NLGN1: variants seen among roughly 807,000 people sequenced by gnomAD.
The protein encoded by NLGN1 is neuroligin-1.
Under a neutral mutation model 65.5 loss-of-function variants are expected in NLGN1, and 12 were observed. That is an observed-to-expected ratio of 0.18 (90% confidence interval 0.12 to 0.30). The LOEUF (loss-of-function observed/expected upper bound fraction) is 0.30, where lower values mean the gene tolerates loss of function less well. NLGN1 is among the 10% of genes least tolerant of loss of function. NLGN1 has a pLI of 1.00. For synonymous variants in NLGN1, 350 were observed against 359.5 expected, an observed-to-expected ratio of 0.97 and a Z score of 0.30; for missense variants, 750 against 1,007.1, an observed-to-expected ratio of 0.74 and a Z score of 3.46.
chr3:173,430,454 G>T (rs1716968723), intron 1 of NLGN1, among the ~76,000 whole-genome samples: 1 of 152,134 alleles, frequency 6.6e-6, no homozygotes, highest in Non-Finnish European at 1.5e-5. Flanking sequence ...ATTTCTTCAT[G>T]ATTACTTTTA....
intron 4 of NLGN1, 78 bp from the exon 5 acceptor site, chr3:174,275,237 G>A: frequency 9.7e-7 from 1 of 1,032,866 alleles, no homozygotes; most frequent in Non-Finnish European, 1.5e-6. Context: ...ATTAATACAG[G>A]CTTCATTTGT....
chr3:173,927,133 G>A (rs564206890), intron 4 of NLGN1, among the ~76,000 whole-genome samples: 4 of 151,878 alleles, frequency 2.6e-5, no homozygotes, highest in South Asian at 2.1e-4. Context: ...GCATGATCTC[G>A]GCTCACTGCA....
intron 4 of NLGN1, among the ~76,000 whole-genome samples, chr3:173,868,658 A>G (rs574090100): frequency 2.0e-5 from 3 of 152,230 alleles, no homozygotes; most frequent in South Asian, 4.1e-4. Context: ...TTCTAGGTAA[A>G]GAAAGTCTAC....
At chr3:173,609,638 G>A (rs554702782) in intron 3 of NLGN1, among the ~76,000 whole-genome samples, 1 of 151,866 alleles carries the variant, frequency 6.6e-6, no homozygotes, top group South Asian at 2.1e-4. Flanking sequence ...TTATTCATTT[G>A]ACAACTATTT....
At chr3:173,532,262 A>G (rs1014380609) in intron 2 of NLGN1, among the ~76,000 whole-genome samples, 5 of 152,190 alleles carry the variant, frequency 3.3e-5, no homozygotes, top group African/African-American at 1.2e-4. Flanking sequence ...ATTTGATGCC[A>G]TCTCTTTGAG....
intron 2 of NLGN1, among the ~76,000 whole-genome samples, chr3:173,541,528 C>G (rs1243769012): frequency 2.0e-5 from 3 of 151,986 alleles, no homozygotes; most frequent in Non-Finnish European, 4.4e-5. Context: ...GAAGGTTTAG[C>G]TATGCTGTTT....
At chr3:173,993,457 C>T (rs1437853504) in intron 4 of NLGN1, among the ~76,000 whole-genome samples, 1 of 152,130 alleles carries the variant, frequency 6.6e-6, no homozygotes, top group Non-Finnish European at 1.5e-5. Flanking sequence ...TACAAATTAT[C>T]ATGGCATGAA....
At chr3:174,271,646 G>A (rs1209703129) in intron 4 of NLGN1, among the ~76,000 whole-genome samples, 1 of 151,764 alleles carries the variant, frequency 6.6e-6, no homozygotes, top group Non-Finnish European at 1.5e-5. Flanking sequence ...CTAGTTGCCA[G>A]ATCAGGTAAA....
intron 3 of NLGN1, among the ~76,000 whole-genome samples, chr3:173,627,461 T>C (rs1235999964): frequency 6.6e-6 from 1 of 152,110 alleles, no homozygotes; most frequent in Non-Finnish European, 1.5e-5. Context: ...CTTAGGTTCA[T>C]TACTACCTTG....
At chr3:173,789,226 A>G (rs909299781) in intron 3 of NLGN1, among the ~76,000 whole-genome samples, 1 of 151,726 alleles carries the variant, frequency 6.6e-6, no homozygotes, top group African/African-American at 2.4e-5. Context: ...GAGAGAGAGA[A>G]AGAAAGAAGG....
chr3:173,458,055 G>A (rs1185783161), intron 2 of NLGN1, among the ~76,000 whole-genome samples: 1 of 151,914 alleles, frequency 6.6e-6, no homozygotes, highest in Non-Finnish European at 1.5e-5. Context: ...ATATACATTT[G>A]GATGTCATTG....
chr3:173,632,562 AT>A (rs1359797553), intron 3 of NLGN1, among the ~76,000 whole-genome samples: 1 of 152,170 alleles, frequency 6.6e-6, no homozygotes, highest in African/African-American at 2.4e-5. Flanking sequence ...GCCTTGGTTC[AT>A]TTTTAGCTCT....
chr3:173,881,184 C>T (rs560735285), intron 4 of NLGN1, among the ~76,000 whole-genome samples: 6 of 147,946 alleles, frequency 4.1e-5, no homozygotes, highest in African/African-American at 1.5e-4. Flanking sequence ...CTGCAACTGC[C>T]GCCTCCTGGG....
chr3:173,479,495 A>G (rs1726872962), intron 2 of NLGN1, among the ~76,000 whole-genome samples: 1 of 152,204 alleles, frequency 6.6e-6, no homozygotes, highest in Admixed American at 6.5e-5. Context: ...TTAATTTTGT[A>G]GACAGGCTTT....
chr3:173,410,957 C>G (rs1300842401), intron 1 of NLGN1, among the ~76,000 whole-genome samples: 1 of 152,228 alleles, frequency 6.6e-6, no homozygotes, highest in Non-Finnish European at 1.5e-5. Context: ...AAGAGCTTCA[C>G]AAGAGGGAGT....
At chr3:173,569,503 C>G (rs1012803177) in intron 2 of NLGN1, among the ~76,000 whole-genome samples, 1 of 151,442 alleles carries the variant, frequency 6.6e-6, no homozygotes, top group African/African-American at 2.4e-5. Context: ...AAACAGTAGT[C>G]CCTCAAATCT....
At chr3:173,688,835 ACCT>A (rs1638594776) in intron 3 of NLGN1, among the ~76,000 whole-genome samples, 1 of 152,128 alleles carries the variant, frequency 6.6e-6, no homozygotes, top group African/African-American at 2.4e-5. Flanking sequence ...CTAAAAAAAT[ACCT>A]CCTCCAATTT....
chr3:174,195,334 G>A (rs1026390229), intron 4 of NLGN1, among the ~76,000 whole-genome samples: 9 of 152,108 alleles, frequency 5.9e-5, no homozygotes, highest in Non-Finnish European at 1.2e-4. Context: ...TGAAAAATAT[G>A]TTTGATGATA....
At chr3:174,191,895 T>G (rs974166847) in intron 4 of NLGN1, among the ~76,000 whole-genome samples, 5 of 152,170 alleles carry the variant, frequency 3.3e-5, no homozygotes, top group Admixed American at 2.0e-4. Flanking sequence ...TCTATGAAAT[T>G]TACTTTAAGT....
Sources: allele counts gnomAD v4.1 joint callset (sites outside exome capture counted in the v4.1 genomes callset), GRCh38; gene constraint gnomAD v4.1.1; transcripts MANE v1.5; gene names NCBI Gene and HGNC (gene_info 2026-07-23, HGNC 2026-07-21).